AGPAT5: variants seen among roughly 807,000 people sequenced by gnomAD.
AGPAT5 encodes 1-acylglycerol-3-phosphate O-acyltransferase 5.
In AGPAT5, 46 loss-of-function variants were observed where a neutral mutation model predicts 45.6. The observed-to-expected ratio is 1.01, with a 90% CI of 0.80 to 1.29. The LOEUF (loss-of-function observed/expected upper bound fraction) is 1.29, where lower values mean the gene tolerates loss of function less well. Among genes scored for constraint, AGPAT5 ranks in the 50% most tolerant of loss-of-function variants. The probability of loss-of-function intolerance (pLI) is 0.00; values close to 1 mark genes in which losing one functional copy is unlikely to be tolerated. For synonymous variants in AGPAT5, 272 were observed against 167.0 expected (o/e 1.63, Z -4.85); for missense variants, 673 against 450.7 (o/e 1.49, Z -4.47).
chr8:6,753,638 A>C (rs1351776957), intron 6 of AGPAT5, among the ~76,000 whole-genome samples: 1 of 152,170 alleles, frequency 6.6e-6, no homozygotes, highest in Non-Finnish European at 1.5e-5. Context: ...CCAGAGGTGG[A>C]GATCCAGGCT....
chr8:6,755,462 A>G (rs916720677), intron 7 of AGPAT5, among the ~76,000 whole-genome samples: 4 of 152,172 alleles, frequency 2.6e-5, no homozygotes, highest in African/African-American at 9.7e-5. Flanking sequence ...ACACAAAAAA[A>G]CTTTCCAGTG....
At position 6,757,323 on chromosome 8, in the gene AGPAT5, C is replaced by G. The variant is rs751228001; in HGVS notation, c.1030C>G (p.Leu344Val). ...GCTTATGACCGATGCTGGAAGGAAG[C>G]TGTATGTGAACACCTGGATATATGG... ...GMLMTDAGRK[L>V]YVNTWIYGTL... The change falls in exon 8 of 8, where the codon CTG becomes GTG. Residue 344 changes from leucine (L) to valine (V), a missense_variant. By Grantham distance (32) the Leu-to-Val change is conservative. Coordinates refer to ENST00000285518, the MANE Select transcript of AGPAT5 (RefSeq NM_018361.5). 3 of 1,614,094 alleles carry G rather than the reference C, an allele frequency of 1.9e-6. No homozygotes were observed. The highest frequency in any genetic ancestry group is 1.7e-5 in the Admixed American group (1 of 60,006).
chr8:6,711,648 A>C (rs1800158292), intron 1 of AGPAT5, among the ~76,000 whole-genome samples: 1 of 152,370 alleles, frequency 6.6e-6, no homozygotes, highest in Admixed American at 6.5e-5. Flanking sequence ...GCTTAAAATA[A>C]TAGAACTTAA....
intron 1 of AGPAT5, among the ~76,000 whole-genome samples, chr8:6,714,914 G>A (rs924459901): frequency 2.0e-5 from 3 of 152,166 alleles, no homozygotes; most frequent in Middle Eastern, 3.2e-3. Context: ...CTTCTCAAGT[G>A]GAATCAGAAG....
intron 7 of AGPAT5, among the ~76,000 whole-genome samples, chr8:6,756,417 A>G (rs1254575664): frequency 6.6e-6 from 1 of 152,110 alleles, no homozygotes; most frequent in Admixed American, 6.5e-5. Context: ...GCTTGAGCCC[A>G]GAAGTTCAAG....
At chr8:6,743,961 T>C (rs1168120473) in intron 5 of AGPAT5, among the ~76,000 whole-genome samples, 2 of 152,154 alleles carry the variant, frequency 1.3e-5, no homozygotes, top group African/African-American at 4.8e-5. Flanking sequence ...TTGAGAGTTC[T>C]TTCAAAACAG....
At position 6,748,757 on chromosome 8, in the gene AGPAT5, G is replaced by T. The variant is rs373916681; in HGVS notation, c.745+929G>T. Among the ~76,000 whole-genome samples, 14 of 152,172 alleles carry T rather than the reference G, an allele frequency of 9.2e-5. No individual in the cohort carries two copies. The East Asian group carries it at 1.4e-3, about 15-fold the overall frequency. On this transcript the variant is annotated intron_variant, in intron 6 of 7. Coordinates refer to ENST00000285518, the MANE Select transcript of AGPAT5 (RefSeq NM_018361.5). ...TTACCTCAGGTGATCCACGCACCTC[G>T]GCCTCCCAAATGAGCTTTGTGTTTT... is the stretch of plus-strand genomic sequence containing the variant.
intron 2 of AGPAT5, among the ~76,000 whole-genome samples, chr8:6,725,730 T>C (rs1162365085): frequency 1.3e-5 from 2 of 152,214 alleles, no homozygotes; most frequent in Non-Finnish European, 2.9e-5. Flanking sequence ...ACTTCCTAAA[T>C]TGCATTTTTA....
At chr8:6,751,000 C>T (rs78192285) in intron 6 of AGPAT5, among the ~76,000 whole-genome samples, 2,022 of 152,106 alleles carry the variant, frequency 0.013, 58 homozygotes, top group African/African-American at 0.046. Context: ...TAGTGTGTTG[C>T]TTTTAACCTG....
In AGPAT5 at chr8:6,758,668, C is replaced by T. The variant is rs1801926871; in HGVS notation, c.*1280C>T. The T allele has an allele frequency of 6.6e-6, 1 of 152,646 alleles. No homozygotes were observed. Among genetic ancestry groups the T allele is most frequent in the South Asian group, 2.1e-4 (1 of 4,834 alleles). The allele number at this position is 152,646 out of a possible 1,614,324, so 9.5% of individuals were successfully genotyped here. ...TCCCATTAGGTTTAGTGGAGCTACACATTAATATGTATCGCCTTAGAGCAA... is the reference window on the plus strand; with the variant it reads ...TCCCATTAGGTTTAGTGGAGCTACATATTAATATGTATCGCCTTAGAGCAA... On this transcript the variant is annotated 3_prime_UTR_variant, in exon 8 of 8. Transcript: ENST00000285518.
intron 1 of AGPAT5, among the ~76,000 whole-genome samples, chr8:6,715,886 G>C (rs1407141717): frequency 1.3e-5 from 2 of 152,176 alleles, no homozygotes; most frequent in African/African-American, 4.8e-5. Flanking sequence ...GAATGTTTAG[G>C]GAAAAGAGGT....
At chr8:6,713,755 C>G (rs539143382) in intron 1 of AGPAT5, among the ~76,000 whole-genome samples, 2 of 151,774 alleles carry the variant, frequency 1.3e-5, no homozygotes, top group African/African-American at 4.8e-5. Context: ...GGGGTAGAGA[C>G]GAGATTTTGC....
At chr8:6,747,041 T>C (rs1001550387) in intron 5 of AGPAT5, among the ~76,000 whole-genome samples, 5 of 152,246 alleles carry the variant, frequency 3.3e-5, no homozygotes, top group Non-Finnish European at 7.3e-5. Flanking sequence ...CAAAAGCTTG[T>C]TCACCTGCAG....
chr8:6,719,414 G>A (rs1800430128), intron 1 of AGPAT5, among the ~76,000 whole-genome samples: 1 of 152,128 alleles, frequency 6.6e-6, no homozygotes, highest in African/African-American at 2.4e-5. Flanking sequence ...AATATCTGAT[G>A]AAAAGATTAG....
At chr8:6,740,591 T>C (rs1210452961) in intron 4 of AGPAT5, among the ~76,000 whole-genome samples, 3 of 151,720 alleles carry the variant, frequency 2.0e-5, no homozygotes, top group Non-Finnish European at 2.9e-5. Context: ...AAGACTATTA[T>C]ATGAATGAAC....
intron 1 of AGPAT5, among the ~76,000 whole-genome samples, chr8:6,722,863 C>T (rs1800553523): frequency 6.6e-6 from 1 of 151,522 alleles, no homozygotes; most frequent in South Asian, 2.1e-4. Context: ...CTGATGAGTT[C>T]TTAAAAAGTG....
chr8:6,719,164 G>A (rs963556266), intron 1 of AGPAT5, among the ~76,000 whole-genome samples: 2 of 152,210 alleles, frequency 1.3e-5, no homozygotes, highest in Non-Finnish European at 2.9e-5. Context: ...AACATTTGTG[G>A]AAAGCAAGTT....
intron 2 of AGPAT5, among the ~76,000 whole-genome samples, chr8:6,729,125 A>C (rs1285810783): frequency 6.6e-6 from 1 of 152,202 alleles, no homozygotes; most frequent in Non-Finnish European, 1.5e-5. Context: ...TCCCTGATTA[A>C]AAAGAGAGAT....
At chr8:6,753,797 T>C (rs1248876743) in intron 6 of AGPAT5, among the ~76,000 whole-genome samples, 1 of 152,268 alleles carries the variant, frequency 6.6e-6, no homozygotes, top group African/African-American at 2.4e-5. Context: ...TTTAGTGTTT[T>C]GCACATGTAT....
Sources: allele counts gnomAD v4.1 joint callset (sites outside exome capture counted in the v4.1 genomes callset), GRCh38; gene constraint gnomAD v4.1.1; transcripts MANE v1.5; gene names NCBI Gene and HGNC (gene_info 2026-07-23, HGNC 2026-07-21).